Variants in WDR44 observed in about 807,000 individuals in gnomAD.
WDR44 encodes WD repeat domain 44, also known as WD repeat-containing protein 44.
A neutral mutation model predicts 65.7 loss-of-function variants in WDR44; 9 were observed. That is an observed-to-expected ratio of 0.14 (90% confidence interval 0.08 to 0.24). The LOEUF is 0.24. Among genes scored for constraint, WDR44 ranks in the 10% least tolerant of loss-of-function variants. The pLI, the probability that WDR44 is intolerant of heterozygous loss-of-function variation, is 1.00. For synonymous variants in WDR44, 220 were observed against 235.2 expected (o/e 0.94, Z 0.59); for missense variants, 425 against 670.9 (o/e 0.63, Z 4.05).
intron 1 of WDR44, among the ~76,000 whole-genome samples, chrX:118,365,987 G>A (rs898975951): frequency 8.9e-6 from 1 of 111,790 alleles, no homozygotes; most frequent in African/African-American, 3.3e-5. Context: ...AAAGGTTTTA[G>A]ATGGAAATTG....
At chrX:118,446,315 A>G (rs5957003) in intron 19 of WDR44, among the ~76,000 whole-genome samples, 46,572 of 109,454 alleles carry the variant, frequency 0.43, 10,307 homozygotes, top group African/African-American at 0.84. Flanking sequence ...GCGTTGTGGT[A>G]TGTACCTGTA....
rs774889869 is a variant in WDR44 at position 118,356,846 on chromosome X, CT to C, written c.77+10282del. Among the ~76,000 whole-genome samples, 202 of 90,039 alleles carry C rather than the reference CT, an allele frequency of 2.2e-3. 1 individual carries two copies. The highest frequency in any genetic ancestry group is 3.3e-3 in the African/African-American group (83 of 24,988). 78.2% of individuals were successfully genotyped at this position (90,039 alleles called of 115,157 possible). A position where few individuals can be genotyped will look rare whatever the true frequency, so the allele number is the denominator to read the frequency against. On this transcript the variant is annotated intron_variant, in intron 1 of 19. Transcript: ENST00000254029. ...TCAAGTCATTGATATATATTTCTTTCTTTTTTTTTTTTTTTTGAGACAGAGT... is the reference window on the plus strand; with the variant it reads ...TCAAGTCATTGATATATATTTCTTTCTTTTTTTTTTTTTTTGAGACAGAGT...
At chrX:118,378,276 C>G (rs763748702) in intron 1 of WDR44, 143 bp from the exon 2 acceptor site, 605 of 486,607 alleles carry the variant, frequency 1.2e-3, no homozygotes, top group Non-Finnish European at 1.8e-3. Context: ...TTGTTTTCCA[C>G]ATTTTCTACG....
chrX:118,427,487 G>A (rs1309754966), intron 12 of WDR44, among the ~76,000 whole-genome samples: 3 of 108,864 alleles, frequency 2.8e-5, no homozygotes, highest in African/African-American at 6.7e-5. Context: ...AGCCAGGATA[G>A]TCTCCATCTC....
chrX:118,378,605 C>T (rs1254706513), intron 2 of WDR44, among the ~76,000 whole-genome samples, 153 bp downstream of exon 2: 2 of 110,822 alleles, frequency 1.8e-5, no homozygotes, highest in East Asian at 2.8e-4. Flanking sequence ...TACATAGGTA[C>T]TCTAGAAATA....
rs984476792 is a variant in WDR44, at chrX:118,346,156, G to A, written c.-348G>A. The A allele has an allele frequency of 6.3e-5, 19 of 301,217 alleles. No individual in the cohort carries two copies. Among genetic ancestry groups the A allele is most frequent in the African/African-American group, 5.2e-4 (19 of 36,428 alleles). The allele number at this position is 301,217 out of a possible 1,213,427, so 24.8% of individuals were successfully genotyped here. A position where few individuals can be genotyped will look rare whatever the true frequency, so the allele number is the denominator to read the frequency against. On this transcript the variant is annotated 5_prime_UTR_variant, in exon 1 of 20. Coordinates refer to ENST00000254029, the MANE Select transcript of WDR44 (RefSeq NM_019045.5). ...CCAGCTGCTGTAAATTGCTGCTGCG[G>A]GAGAAACTGGAGCCGCTGTAGCCGG...
At position 118,417,399 on chromosome X, in the gene WDR44, A is replaced by G. The variant is rs188039144; in HGVS notation, c.1737+6440A>G. Reference sequence around the variant, plus strand: ...CTTAGTAGTGGCAAATTCTCTCAGCATTTGTTTGTCTGAAAACGACTGTAT... The same window carrying G: ...CTTAGTAGTGGCAAATTCTCTCAGCGTTTGTTTGTCTGAAAACGACTGTAT... On this transcript the variant is annotated intron_variant, in intron 12 of 19. Transcript: ENST00000254029. Among the ~76,000 whole-genome samples the G allele has an allele frequency of 4.7e-4, 52 of 110,567 alleles. 1 individual carries two copies. The highest frequency in any genetic ancestry group is 1.6e-3 in the African/African-American group (49 of 30,568).
intron 12 of WDR44, among the ~76,000 whole-genome samples, chrX:118,428,245 A>C (rs2057175836): frequency 9.1e-6 from 1 of 109,421 alleles, no homozygotes; most frequent in South Asian, 4.0e-4. Flanking sequence ...CCAAGATTTC[A>C]CCACTGCACT....
chrX:118,429,935 G>A (rs977192907), intron 12 of WDR44, among the ~76,000 whole-genome samples: 2 of 110,552 alleles, frequency 1.8e-5, no homozygotes, highest in African/African-American at 6.6e-5. Context: ...GAACCACCAC[G>A]CCTGGCCGAA....
intron 1 of WDR44, among the ~76,000 whole-genome samples, chrX:118,371,875 G>A (rs1198660256): frequency 2.7e-5 from 3 of 110,616 alleles, no homozygotes; most frequent in East Asian, 5.6e-4. Context: ...ATTTTATGTA[G>A]ACATTTGAAC....
intron 12 of WDR44, among the ~76,000 whole-genome samples, 195 bp downstream of exon 12, chrX:118,411,154 G>A (rs1280899194): frequency 9.0e-6 from 1 of 111,091 alleles, no homozygotes; most frequent in East Asian, 2.8e-4. Context: ...AAGGTTGCCA[G>A]ACAGTGAATA....
intron 13 of WDR44, among the ~76,000 whole-genome samples, chrX:118,435,617 G>C (rs951376686): frequency 1.8e-5 from 2 of 112,544 alleles, no homozygotes; most frequent in African/African-American, 3.2e-5. Context: ...TAGGTTCATG[G>C]TGTGCCATAG....
rs778733863 is a variant in WDR44, at chrX:118,410,995, G to A, written c.1737+36G>A. 3 of 1,061,829 alleles carry A rather than the reference G, an allele frequency of 2.8e-6. No homozygotes were observed. The Admixed American group carries it at 9.7e-5, about 34-fold the overall frequency. The allele number at this position is 1,061,829 out of a possible 1,213,427, so 87.5% of individuals were successfully genotyped here. ...TGTTTTATGGTTACTCTGTTTTCAGGTATGATTTAATTTGTTTACCATAAA... is the reference window on the plus strand; with the variant it reads ...TGTTTTATGGTTACTCTGTTTTCAGATATGATTTAATTTGTTTACCATAAA... On this transcript the variant is annotated intron_variant, in intron 12 of 19. Transcript: ENST00000254029.
chrX:118,418,102 T>C (rs764291943), intron 12 of WDR44, among the ~76,000 whole-genome samples: 20 of 112,029 alleles, frequency 1.8e-4, no homozygotes, highest in Admixed American at 3.8e-4. Flanking sequence ...TGTATCGTTT[T>C]TTGGATTTCA....
chrX:118,429,324 C>T (rs977608263), intron 12 of WDR44, among the ~76,000 whole-genome samples: 2 of 111,371 alleles, frequency 1.8e-5, no homozygotes, highest in Non-Finnish European at 3.8e-5. Context: ...CACAGTGGCT[C>T]ACGCCTGTAA....
chrX:118,365,093 A>G (rs1363423124), intron 1 of WDR44, among the ~76,000 whole-genome samples: 1 of 111,516 alleles, frequency 9.0e-6, no homozygotes, highest in Admixed American at 9.6e-5. Flanking sequence ...ATGTTCCTAA[A>G]TGTGCTTTTA....
chrX:118,371,056 G>A (rs1190279535), intron 1 of WDR44, among the ~76,000 whole-genome samples: 13 of 111,622 alleles, frequency 1.2e-4, no homozygotes, highest in Non-Finnish European at 5.6e-5. Flanking sequence ...CAGAGGACCT[G>A]AACAGACATT....
At chrX:118,424,877 G>A (rs1158330674) in intron 12 of WDR44, among the ~76,000 whole-genome samples, 1 of 111,622 alleles carries the variant, frequency 9.0e-6, no homozygotes, top group Non-Finnish European at 1.9e-5. Flanking sequence ...GTTTATTTTT[G>A]TATATGATGT....
chrX:118,369,032 A>G (rs2056582787), intron 1 of WDR44, among the ~76,000 whole-genome samples: 1 of 108,306 alleles, frequency 9.2e-6, no homozygotes, highest in Non-Finnish European at 1.9e-5. Flanking sequence ...CTGGCCAAAA[A>G]TAATTTCTAT....
Sources: gnomAD v4.1 joint callset for allele counts (sites outside exome capture counted in the v4.1 genomes callset) on GRCh38, gnomAD v4.1.1 for gene constraint, MANE v1.5 for transcripts, NCBI Gene and HGNC (gene_info 2026-07-23, HGNC 2026-07-21) for gene names.